Variants in ARHGEF38 observed in about 807,000 individuals in gnomAD.
The protein encoded by ARHGEF38 is Rho guanine nucleotide exchange factor 38.
Under a neutral mutation model 79.9 loss-of-function variants are expected in ARHGEF38, and 79 were observed. The ratio of observed to expected loss-of-function variants is 0.99; its 90% CI spans 0.82 to 1.19. The LOEUF (loss-of-function observed/expected upper bound fraction) is 1.19, where lower values mean the gene tolerates loss of function less well. Among genes scored for constraint, ARHGEF38 ranks in the 50% most tolerant of loss-of-function variants. The pLI, the probability that ARHGEF38 is intolerant of heterozygous loss-of-function variation, is 0.00. For synonymous variants in ARHGEF38, 366 were observed against 328.3 expected, an observed-to-expected ratio of 1.11 and a Z score of -1.24; for missense variants, 962 against 907.2, an observed-to-expected ratio of 1.06 and a Z score of -0.78.
intron 3 of ARHGEF38, among the ~76,000 whole-genome samples, chr4:105,625,224 T>G (rs1253954324): frequency 6.6e-6 from 1 of 152,200 alleles, no homozygotes. Flanking sequence ...TGTCATATTT[T>G]CATATAATTT....
At chr4:105,585,726 CT>C (rs3056719) in intron 1 of ARHGEF38, among the ~76,000 whole-genome samples, 37 of 71,494 alleles carry the variant, frequency 5.2e-4, no homozygotes, top group African/African-American at 1.9e-3. Context: ...CCCTCCGTTG[CT>C]TTTTTTTTTT....
intron 1 of ARHGEF38, among the ~76,000 whole-genome samples, chr4:105,571,569 C>T (rs900006332): frequency 1.3e-5 from 2 of 151,986 alleles, no homozygotes; most frequent in East Asian, 1.9e-4. Flanking sequence ...GTGATCCGCC[C>T]GCCTCAGCCT....
At chr4:105,554,072 T>A (rs1022725712) in intron 1 of ARHGEF38, among the ~76,000 whole-genome samples, 2 of 152,176 alleles carry the variant, frequency 1.3e-5, no homozygotes, top group Non-Finnish European at 2.9e-5. Context: ...TACCAGTAGT[T>A]CAGCACTAAA....
intron 2 of ARHGEF38, among the ~76,000 whole-genome samples, chr4:105,601,243 A>C (rs1275527629): frequency 1.3e-5 from 2 of 152,106 alleles, no homozygotes; most frequent in African/African-American, 4.8e-5. Flanking sequence ...AACCAGGAGC[A>C]CTGCTGTTTC....
At chr4:105,626,430 T>G (rs1728949996) in intron 3 of ARHGEF38, among the ~76,000 whole-genome samples, 1 of 152,246 alleles carries the variant, frequency 6.6e-6, no homozygotes, top group South Asian at 2.1e-4. Flanking sequence ...TCATTTAATC[T>G]GCAAACAACC....
Position 105,666,257 on chromosome 4 carries a change from A to G in ARHGEF38, c.1626A>G (p.Glu542=). 6.5e-7 allele frequency: 1 copy of G among 1,535,482 alleles called. No individual in the cohort carries two copies. Among genetic ancestry groups the G allele is most frequent in the Non-Finnish European group, 8.7e-7 (1 of 1,146,570 alleles). Residue 542 remains glutamate, a synonymous_variant, in exon 11 of 14, where the codon GAA becomes GAG. Transcript: ENST00000420470. ...EEIQNLNCVK[E]NSATFIERKL... is the part of the protein sequence containing the mutation. The stretch of plus-strand genomic sequence containing the variant: ...TCCAAAATTTGAATTGTGTGAAAGA[A>G]AACAGTGCCACCTTTATTGAGAGGA...
chr4:105,671,870 C>T (rs1730967711), intron 13 of ARHGEF38, among the ~76,000 whole-genome samples: 1 of 152,188 alleles, frequency 6.6e-6, no homozygotes. Flanking sequence ...TTATTTCCCT[C>T]TCCCTTCCTA....
chr4:105,659,196 C>T lies in ARHGEF38; in HGVS notation c.1376C>T (p.Ser459Leu). Residue 459 changes from serine (S) to leucine (L), a missense_variant, in exon 10 of 14, where the codon TCA (serine) becomes TTA (leucine). Physicochemically the swap from Ser to Leu is moderately radical, Grantham distance 145 (BLOSUM62 -2). Transcript: ENST00000420470. The part of the protein sequence containing the change: ...SYLQRSTGEE[S>L]DLAKKEYEAL... ...CTGCAGCGATCAACGGGAGAGGAGT[C>T]AGACTTGGCCAAAAAGGAGTATGAG... 6.5e-7 allele frequency: 1 copy of T among 1,536,108 alleles called. No homozygotes were observed. Among genetic ancestry groups the T allele is most frequent in the African/African-American group, 1.4e-5 (1 of 73,146 alleles).
At position 105,680,011 on chromosome 4, in the gene ARHGEF38, C is replaced by G; in HGVS notation, c.*2074C>G. The G allele has an allele frequency of 9.7e-7, 1 of 1,034,512 alleles. No individual in the cohort carries two copies. Among genetic ancestry groups the G allele is most frequent in the Non-Finnish European group, 1.5e-6 (1 of 656,424 alleles). The allele number at this position is 1,034,512 out of a possible 1,614,324, so 64.1% of individuals were successfully genotyped here. A position where few individuals can be genotyped will look rare whatever the true frequency, so the allele number is the denominator to read the frequency against. Reference sequence around the variant, plus strand: ...CAGTGCATTCTGTTTTGTGCGGATTCATGGCCATGTCAGTTACATTCTTCT... The same window carrying G: ...CAGTGCATTCTGTTTTGTGCGGATTGATGGCCATGTCAGTTACATTCTTCT... On this transcript the variant is annotated 3_prime_UTR_variant, in exon 14 of 14. Transcript: ENST00000420470.
intron 1 of ARHGEF38, among the ~76,000 whole-genome samples, chr4:105,581,223 C>T (rs367879715): frequency 1.4e-4 from 22 of 152,156 alleles, no homozygotes; most frequent in African/African-American, 4.6e-4. Flanking sequence ...TGAAGATTTA[C>T]TAGGAGTGCA....
intron 2 of ARHGEF38, among the ~76,000 whole-genome samples, chr4:105,603,488 T>C (rs1181886902): frequency 6.6e-6 from 1 of 152,140 alleles, no homozygotes; most frequent in African/African-American, 2.4e-5. Flanking sequence ...GTGGCACTCT[T>C]ACAGGTACTT....
chr4:105,599,561 G>A (rs553007927), intron 2 of ARHGEF38, among the ~76,000 whole-genome samples: 3 of 152,210 alleles, frequency 2.0e-5, no homozygotes, highest in African/African-American at 4.8e-5. Context: ...TTGTGCATGT[G>A]TAGAATAAGC....
In ARHGEF38 at chr4:105,645,257, C is replaced by G. The variant is rs544936591; in HGVS notation, c.744C>G (p.Pro248=). 15 of 1,536,612 alleles carry G rather than the reference C, an allele frequency of 9.8e-6. No individual in the cohort carries two copies. Among genetic ancestry groups the G allele is most frequent in the African/African-American group, 6.8e-5 (5 of 73,152 alleles). Residue 248 remains proline (P), a synonymous_variant, in exon 6 of 14, where the codon CCC becomes CCG. Coordinates refer to ENST00000420470, the MANE Select transcript of ARHGEF38 (RefSeq NM_001242729.2). ...IKPIQRVMKY[P]LLLCELRNST... is the part of the protein sequence containing the mutation. Reference sequence around the variant, plus strand: ...CAATTCAACGTGTGATGAAATACCCCCTATTACTGTGCGAACTTCGGAATT... The same window carrying G: ...CAATTCAACGTGTGATGAAATACCCGCTATTACTGTGCGAACTTCGGAATT...
intron 2 of ARHGEF38, among the ~76,000 whole-genome samples, chr4:105,595,777 G>A (rs1481204950): frequency 6.6e-6 from 1 of 152,096 alleles, no homozygotes; most frequent in Non-Finnish European, 1.5e-5. Context: ...CAATGTAAAT[G>A]CCATCTAAAT....
At chr4:105,561,233 C>G (rs1725508300) in intron 1 of ARHGEF38, among the ~76,000 whole-genome samples, 2 of 151,376 alleles carry the variant, frequency 1.3e-5, no homozygotes, top group African/African-American at 4.9e-5. Context: ...ACTAAGAAAA[C>G]AAAACAAAAC....
At chr4:105,644,082 G>T (rs1281767678) in intron 5 of ARHGEF38, among the ~76,000 whole-genome samples, 2 of 151,806 alleles carry the variant, frequency 1.3e-5, no homozygotes, top group Admixed American at 6.6e-5. Flanking sequence ...TGCCCAGGCT[G>T]GTCTTGAACT....
intron 5 of ARHGEF38, among the ~76,000 whole-genome samples, chr4:105,641,960 A>G (rs1019181873): frequency 1.2e-4 from 18 of 152,184 alleles, no homozygotes; most frequent in African/African-American, 4.1e-4. Context: ...ACAGAGGAAG[A>G]TGAAATAGAA....
chr4:105,589,174 G>T (rs771017212), intron 1 of ARHGEF38, 74 bp from the exon 2 acceptor site: 10 of 1,250,754 alleles, frequency 8.0e-6, no homozygotes, highest in Non-Finnish European at 1.0e-5. Context: ...AAAGTCCTTC[G>T]AAGGCGTTGT....
chr4:105,627,910 G>A (rs888680739), intron 3 of ARHGEF38, among the ~76,000 whole-genome samples: 1 of 152,086 alleles, frequency 6.6e-6, no homozygotes, highest in African/African-American at 2.4e-5. Flanking sequence ...AAAATATTCT[G>A]CCTGCCAGTG....
Sources: gnomAD v4.1 joint callset for allele counts (sites outside exome capture counted in the v4.1 genomes callset) on GRCh38, gnomAD v4.1.1 for gene constraint, MANE v1.5 for transcripts, NCBI Gene and HGNC (gene_info 2026-07-23, HGNC 2026-07-21) for gene names.